The following NUBPL variants were observed in gnomAD, a reference collection of about 807,000 sequenced individuals.
NUBPL encodes iron-sulfur cluster transfer protein NUBPL.
NUBPL carries 31 observed loss-of-function variants against 45.7 expected under a neutral mutation model. That is an observed-to-expected ratio of 0.68 (90% CI 0.51 to 0.92). NUBPL has a LOEUF of 0.92. Ranked by LOEUF, NUBPL falls within the 40% of genes least tolerant of loss-of-function variation. NUBPL has a pLI of 0.00. For synonymous variants in NUBPL, 144 were observed against 140.9 expected (o/e 1.02, Z -0.15); for missense variants, 401 against 398.7 (o/e 1.01, Z -0.05).
chr14:31,719,310 A>G (rs909454813), intron 6 of NUBPL, among the ~76,000 whole-genome samples: 1 of 152,218 alleles, frequency 6.6e-6, no homozygotes. Flanking sequence ...ACCATCGTAA[A>G]GCCAAAAAAT....
chr14:31,750,358 T>A (rs890818656), intron 6 of NUBPL, among the ~76,000 whole-genome samples: 19 of 127,548 alleles, frequency 1.5e-4, no homozygotes, highest in Admixed American at 7.1e-4. Context: ...TTTTTTTTTT[T>A]AATTTTTATT....
At chr14:31,649,311 G>A (rs914586903) in intron 4 of NUBPL, among the ~76,000 whole-genome samples, 2 of 152,134 alleles carry the variant, frequency 1.3e-5, no homozygotes, top group East Asian at 1.9e-4. Context: ...CTACCCTGTC[G>A]CTCATTTGAA....
At chr14:31,670,494 A>G (rs565288536) in intron 4 of NUBPL, among the ~76,000 whole-genome samples, 35 of 151,972 alleles carry the variant, frequency 2.3e-4, no homozygotes, top group Non-Finnish European at 4.7e-4. Flanking sequence ...CCACTTGTCA[A>G]TTTTTGCTTT....
At chr14:31,690,443 A>G (rs2037067122) in intron 6 of NUBPL, among the ~76,000 whole-genome samples, 1 of 152,182 alleles carries the variant, frequency 6.6e-6, no homozygotes, top group Non-Finnish European at 1.5e-5. Context: ...GAACCATATG[A>G]GTTCGACATG....
intron 6 of NUBPL, among the ~76,000 whole-genome samples, chr14:31,690,980 C>G (rs565019100): frequency 6.6e-6 from 1 of 152,304 alleles, no homozygotes; most frequent in African/African-American, 2.4e-5. Context: ...GCTTTTATGA[C>G]ATGGACACTT....
chr14:31,774,016 C>G (rs948923328), intron 6 of NUBPL, among the ~76,000 whole-genome samples: 1 of 152,186 alleles, frequency 6.6e-6, no homozygotes, highest in Non-Finnish European at 1.5e-5. Flanking sequence ...CAATCTAGAT[C>G]TCTTTTACTT....
chr14:31,761,667 G>T (rs915821936), intron 6 of NUBPL, among the ~76,000 whole-genome samples: 1 of 152,058 alleles, frequency 6.6e-6, no homozygotes, highest in African/African-American at 2.4e-5. Context: ...ATTGTGATCA[G>T]TACATATAAA....
intron 4 of NUBPL, among the ~76,000 whole-genome samples, chr14:31,652,413 C>A (rs1005555134): frequency 3.3e-5 from 5 of 152,068 alleles, no homozygotes; most frequent in Non-Finnish European, 7.4e-5. Context: ...ATGCATTGTG[C>A]ACTTGAAAAT....
intron 4 of NUBPL, among the ~76,000 whole-genome samples, chr14:31,626,392 G>C (rs1379717219): frequency 6.6e-6 from 1 of 152,110 alleles, no homozygotes; most frequent in Non-Finnish European, 1.5e-5. Flanking sequence ...CGCCTGCCTT[G>C]TCCTCCCAAA....
chr14:31,750,917 A>G (rs2038512321), intron 6 of NUBPL, among the ~76,000 whole-genome samples: 1 of 152,190 alleles, frequency 6.6e-6, no homozygotes. Flanking sequence ...GGGAGGCCTC[A>G]GGAAACTTAT....
chr14:31,842,918 A>G (rs1165652357), intron 8 of NUBPL, among the ~76,000 whole-genome samples: 2 of 152,254 alleles, frequency 1.3e-5, no homozygotes, highest in Non-Finnish European at 2.9e-5. Context: ...AAAGGAAATC[A>G]TAACATAGAA....
intron 3 of NUBPL, among the ~76,000 whole-genome samples, chr14:31,568,405 G>T (rs754457238): frequency 4.6e-5 from 7 of 152,138 alleles, no homozygotes; most frequent in Non-Finnish European, 1.0e-4. Context: ...CGCCCTTCGA[G>T]GCTGAACCAA....
intron 4 of NUBPL, among the ~76,000 whole-genome samples, chr14:31,656,931 G>T (rs1218633208): frequency 6.6e-6 from 1 of 152,240 alleles, no homozygotes; most frequent in Non-Finnish European, 1.5e-5. Flanking sequence ...TATGCCTGTA[G>T]AAGGCACTCA....
chr14:31,743,960 A>G (rs184557380), intron 6 of NUBPL, among the ~76,000 whole-genome samples: 2 of 152,322 alleles, frequency 1.3e-5, no homozygotes, highest in Admixed American at 6.5e-5. Flanking sequence ...AGGTTAAGCC[A>G]TAACTCTCTG....
chr14:31,680,714 C>T (rs1361343861), intron 6 of NUBPL, among the ~76,000 whole-genome samples: 1 of 152,120 alleles, frequency 6.6e-6, no homozygotes, highest in Non-Finnish European at 1.5e-5. Context: ...ACAATCTACA[C>T]TCAGCCTCCC....
chr14:31,760,400 A>C (rs1280499341), intron 6 of NUBPL, among the ~76,000 whole-genome samples: 1 of 151,898 alleles, frequency 6.6e-6, no homozygotes, highest in Admixed American at 6.6e-5. Flanking sequence ...CAGTCCGTCC[A>C]CCTCAGCCTC....
intron 6 of NUBPL, among the ~76,000 whole-genome samples, chr14:31,680,765 GTAAA>G (rs780914655): frequency 2.6e-5 from 4 of 152,040 alleles, no homozygotes; most frequent in Non-Finnish European, 5.9e-5. Flanking sequence ...CTAATACGGT[GTAAA>G]TAGTTATTAT....
intron 4 of NUBPL, chr14:31,661,975 A>C (rs1019566189): frequency 6.6e-6 from 1 of 152,184 alleles, no homozygotes; most frequent in Admixed American, 6.5e-5. Flanking sequence ...ACAAAGTTCT[A>C]TCTTTTCTAA....
intron 3 of NUBPL, chr14:31,577,927 T>C: frequency 7.8e-7 from 1 of 1,284,472 alleles, no homozygotes; most frequent in South Asian, 1.2e-5. Context: ...TATGTTTATC[T>C]CATGCCATTA....
Sources: allele counts gnomAD v4.1 joint callset (sites outside exome capture counted in the v4.1 genomes callset), GRCh38; gene constraint gnomAD v4.1.1; transcripts MANE v1.5; gene names NCBI Gene and HGNC (gene_info 2026-07-23, HGNC 2026-07-21).